KLHL4: variants seen among roughly 807,000 people sequenced by gnomAD.
KLHL4 encodes the protein kelch-like protein 4.
Under a neutral mutation model 45.8 loss-of-function variants are expected in KLHL4, and 17 were observed. That is an observed-to-expected ratio of 0.37 (90% confidence interval 0.25 to 0.56). KLHL4 has a LOEUF of 0.56. KLHL4 is among the 20% of genes least tolerant of loss of function. The probability of loss-of-function intolerance (pLI) is 0.79; values close to 1 mark genes in which losing one functional copy is unlikely to be tolerated. For missense variants in KLHL4, 544 were observed against 544.9 expected (o/e 1.00, Z 0.02); for synonymous variants, 224 against 189.9 (o/e 1.18, Z -1.47).
Position 87,611,576 on chromosome X carries a change from A to G in KLHL4, c.423-2301A>G, listed in dbSNP as rs374795759. ...ACAAACCTACTGCACTATCAGTCAT[A>G]TAAAAAAGTATACCACATACAATTA... is the stretch of plus-strand genomic sequence containing the variant. On this transcript the variant is annotated intron_variant, in intron 1 of 10. Transcript: ENST00000373119. Among the ~76,000 whole-genome samples, 3 of 111,193 alleles carry G rather than the reference A, an allele frequency of 2.7e-5. No homozygotes were observed. The South Asian group carries it at 1.1e-3, about 42-fold the overall frequency.
chrX:87,587,028 T>A (rs2147797979), intron 1 of KLHL4, among the ~76,000 whole-genome samples: 1 of 107,493 alleles, frequency 9.3e-6, no homozygotes, highest in South Asian at 4.0e-4. Flanking sequence ...TGGAAGAATT[T>A]GACAAATTCC....
chrX:87,616,207 C>T (rs1298280669), intron 3 of KLHL4, among the ~76,000 whole-genome samples: 1 of 110,863 alleles, frequency 9.0e-6, no homozygotes, highest in Non-Finnish European at 1.9e-5. Context: ...ATTTGAGGTA[C>T]TGAAATTTCT....
intron 1 of KLHL4, among the ~76,000 whole-genome samples, chrX:87,553,580 T>A (rs1931887027): frequency 9.0e-6 from 1 of 110,537 alleles, no homozygotes; most frequent in Non-Finnish European, 1.9e-5. Context: ...TATCACTTTC[T>A]CATTAACAGT....
chrX:87,653,658 T>G (rs2147837897), intron 9 of KLHL4, among the ~76,000 whole-genome samples: 1 of 111,982 alleles, frequency 8.9e-6, no homozygotes, highest in Non-Finnish European at 1.9e-5. Context: ...TAAGTCATTT[T>G]ATTATAAAGA....
In KLHL4 at chrX:87,667,442, A is replaced by G; in HGVS notation, c.*908A>G. The G allele has an allele frequency of 5.7e-6, 4 of 698,043 alleles. No homozygotes were observed. The highest frequency in any genetic ancestry group is 6.8e-6 in the Non-Finnish European group (4 of 588,098). The allele number at this position is 698,043 out of a possible 1,213,427, so 57.5% of individuals were successfully genotyped here. A position where few individuals can be genotyped will look rare whatever the true frequency, so the allele number is the denominator to read the frequency against. On this transcript the variant is annotated 3_prime_UTR_variant, in exon 11 of 11. Transcript: ENST00000373119. ...AAAACAATTTTTAAAGTACCTTAAA[A>G]TTGAGGATGTTACTCAGTGTTAACA...
intron 1 of KLHL4, among the ~76,000 whole-genome samples, chrX:87,528,890 G>A (rs1312632926): frequency 1.8e-5 from 2 of 109,180 alleles, no homozygotes; most frequent in Non-Finnish European, 3.8e-5. Flanking sequence ...TCCCCTCTGA[G>A]GCAGACTATA....
At chrX:87,640,998 G>A (rs150026177) in intron 9 of KLHL4, among the ~76,000 whole-genome samples, 2,326 of 112,143 alleles carry the variant, frequency 0.021, 27 homozygotes, top group Middle Eastern at 0.032. Flanking sequence ...AAAGTTTCAG[G>A]TTACAAAATT....
chrX:87,659,044 A>T (rs1924087828), intron 9 of KLHL4, among the ~76,000 whole-genome samples: 1 of 102,330 alleles, frequency 9.8e-6, no homozygotes, highest in Non-Finnish European at 2.0e-5. Context: ...TGAAATGCAT[A>T]TATTTGTCCA....
intron 5 of KLHL4, 148 bp from the exon 6 acceptor site, chrX:87,625,462 C>A: frequency 2.7e-6 from 1 of 374,233 alleles, no homozygotes; most frequent in Non-Finnish European, 4.6e-6. Context: ...AACTCCTGAG[C>A]TCCAGCGTTC....
At chrX:87,618,160 T>A (rs1922626275) in intron 4 of KLHL4, 32 bp downstream of exon 4, 1 of 1,037,241 alleles carries the variant, frequency 9.6e-7, no homozygotes, top group Admixed American at 2.6e-5. Context: ...GAACTTGTAG[T>A]AAAAATATGT....
chrX:87,554,814 T>G (rs1178270272), intron 1 of KLHL4, among the ~76,000 whole-genome samples: 1 of 99,318 alleles, frequency 1.0e-5, no homozygotes, highest in African/African-American at 3.7e-5. Flanking sequence ...AATGGAATGC[T>G]TCCAGTTTTT....
At position 87,669,535 on chromosome X, in the gene KLHL4, T is replaced by A; in HGVS notation, c.*3001T>A. 2 of 710,757 alleles carry A rather than the reference T, an allele frequency of 2.8e-6. No individual in the cohort carries two copies. Among genetic ancestry groups the A allele is most frequent in the Non-Finnish European group, 3.9e-6 (2 of 513,327 alleles). 58.6% of individuals were successfully genotyped at this position (710,757 alleles called of 1,213,427 possible). ...ATGCAATATAGAAAAAAAAACCCTG[T>A]GACTCTGGATTTTATTTTAAGTTCT... On this transcript the variant is annotated 3_prime_UTR_variant, in exon 11 of 11. Coordinates refer to ENST00000373119, the MANE Select transcript of KLHL4 (RefSeq NM_019117.5).
chrX:87,519,776 TTGG>T (rs1930965833), intron 1 of KLHL4, among the ~76,000 whole-genome samples: 1 of 112,099 alleles, frequency 8.9e-6, no homozygotes, highest in Non-Finnish European at 1.9e-5. Context: ...ACTGCTGAAT[TTGG>T]AGATTAATAA....
intron 1 of KLHL4, among the ~76,000 whole-genome samples, chrX:87,525,163 G>A (rs1244275768): frequency 2.7e-5 from 3 of 111,691 alleles, no homozygotes; most frequent in Non-Finnish European, 5.7e-5. Flanking sequence ...TATTAATTGT[G>A]GCTATCATTC....
At chrX:87,637,645 G>C (rs1181803013) in intron 9 of KLHL4, among the ~76,000 whole-genome samples, 2 of 111,788 alleles carry the variant, frequency 1.8e-5, no homozygotes, top group African/African-American at 6.5e-5. Flanking sequence ...GAAATAGATA[G>C]CATAAATAAA....
chrX:87,598,214 G>T (rs188797202), intron 1 of KLHL4, among the ~76,000 whole-genome samples: 1 of 110,076 alleles, frequency 9.1e-6, no homozygotes. Context: ...GTTATATTTT[G>T]GTATGTAAAA....
Position 87,550,998 on chromosome X carries a change from C to G in KLHL4, c.422+32683C>G, listed in dbSNP as rs184591107. Among the ~76,000 whole-genome samples the G allele has an allele frequency of 4.8e-3, 531 of 110,955 alleles. 2 individuals are homozygous for G. The highest frequency in any genetic ancestry group is 7.7e-3 in the Non-Finnish European group (408 of 52,766). ...CTCTTCAACATAGTACTGGAAGTCC[C>G]AGCCAGAGCAATCAGACAAGAGAAA... On this transcript the variant is annotated intron_variant, in intron 1 of 10. Transcript: ENST00000373119.
intron 3 of KLHL4, among the ~76,000 whole-genome samples, chrX:87,615,242 C>T (rs5924065): frequency 0.37 from 40,974 of 109,662 alleles, 5,962 homozygotes; most frequent in Middle Eastern, 0.48. Context: ...TACATTTTTC[C>T]ATTAATGACT....
chrX:87,519,129 T>TA (rs1186864020), intron 1 of KLHL4, among the ~76,000 whole-genome samples: 2 of 112,149 alleles, frequency 1.8e-5, no homozygotes, highest in African/African-American at 6.5e-5. Context: ...AGTGTATCCT[T>TA]ATCTCTTTGT....
Sources: allele counts gnomAD v4.1 joint callset (sites outside exome capture counted in the v4.1 genomes callset), GRCh38; gene constraint gnomAD v4.1.1; transcripts MANE v1.5; gene names NCBI Gene and HGNC (gene_info 2026-07-23, HGNC 2026-07-21).